MAN2A1: variants seen among roughly 807,000 people sequenced by gnomAD.
The protein encoded by MAN2A1 is alpha-mannosidase 2.
MAN2A1 carries 76 observed loss-of-function variants against 142.6 expected under a neutral mutation model. The observed-to-expected ratio is 0.53, with a 90% CI of 0.44 to 0.65. The LOEUF (loss-of-function observed/expected upper bound fraction) is 0.65. MAN2A1 is among the 30% of genes least tolerant of loss of function. The pLI is 0.00. For missense variants in MAN2A1, 1,311 were observed against 1,365.1 expected, an observed-to-expected ratio of 0.96 and a Z score of 0.62; for synonymous variants, 559 against 473.2, an observed-to-expected ratio of 1.18 and a Z score of -2.35.
chr5:109,833,568 G>T (rs948019094), intron 16 of MAN2A1, among the ~76,000 whole-genome samples: 2 of 152,018 alleles, frequency 1.3e-5, no homozygotes, highest in Non-Finnish European at 2.9e-5. Context: ...CACTCGGCAG[G>T]CTGAAGCAGG....
At chr5:109,766,634 T>G (rs1752998873) in intron 5 of MAN2A1, among the ~76,000 whole-genome samples, 1 of 152,118 alleles carries the variant, frequency 6.6e-6, no homozygotes, top group Admixed American at 6.6e-5. Flanking sequence ...ATTTAACTCG[T>G]TTTTGTAACT....
intron 12 of MAN2A1, among the ~76,000 whole-genome samples, chr5:109,811,147 C>G (rs1580276389): frequency 6.6e-6 from 1 of 151,570 alleles, no homozygotes; most frequent in African/African-American, 2.4e-5. Flanking sequence ...TTTATTTTTT[C>G]TACTAACTTT....
intron 4 of MAN2A1, among the ~76,000 whole-genome samples, chr5:109,738,320 C>T (rs74671195): frequency 0.054 from 8,154 of 150,466 alleles, 227 homozygotes; most frequent in Non-Finnish European, 0.064. Context: ...ACTTCCCGAA[C>T]GTCTACTATG....
intron 16 of MAN2A1, among the ~76,000 whole-genome samples, chr5:109,837,060 C>T (rs967343478): frequency 2.0e-5 from 3 of 148,362 alleles, no homozygotes; most frequent in African/African-American, 5.0e-5. Flanking sequence ...TATTCATTTC[C>T]CTGTTGAAGG....
chr5:109,817,475 A>C, intron 13 of MAN2A1, 37 bp downstream of exon 13: 1 of 1,596,856 alleles, frequency 6.3e-7, no homozygotes, highest in Non-Finnish European at 8.6e-7. Context: ...AGGCATTGTA[A>C]AACAAACCTA....
chr5:109,692,639 A>T (rs1750704102), intron 1 of MAN2A1, among the ~76,000 whole-genome samples: 2 of 152,194 alleles, frequency 1.3e-5, no homozygotes. Context: ...GCTCCCAGCC[A>T]CTGAGTTGTC....
chr5:109,707,051 G>A (rs1236577378), intron 1 of MAN2A1, among the ~76,000 whole-genome samples: 1 of 152,160 alleles, frequency 6.6e-6, no homozygotes, highest in Admixed American at 6.5e-5. Flanking sequence ...AGTGAAAATG[G>A]AAAACTTTTG....
intron 3 of MAN2A1, among the ~76,000 whole-genome samples, chr5:109,719,727 G>C (rs1425462363): frequency 6.6e-6 from 1 of 152,044 alleles, no homozygotes; most frequent in African/African-American, 2.4e-5. Context: ...CCCCAACTTT[G>C]TGAATTTATG....
intron 16 of MAN2A1, among the ~76,000 whole-genome samples, chr5:109,832,668 G>A (rs1016116856): frequency 6.6e-6 from 1 of 152,136 alleles, no homozygotes; most frequent in Non-Finnish European, 1.5e-5. Context: ...ATCATGGCCC[G>A]TTCTCAATGA....
chr5:109,785,351 C>CTT (rs551476336), intron 10 of MAN2A1, among the ~76,000 whole-genome samples: 1 of 142,124 alleles, frequency 7.0e-6, no homozygotes. Context: ...TTGTATACTT[C>CTT]TTTTTTTTTT....
chr5:109,812,898 G>T lies in MAN2A1; in HGVS notation c.1944-4375G>T, dbSNP rs568297695. 9.9e-5 allele frequency among the ~76,000 whole-genome samples: 15 copies of T among 152,142 alleles called. 1 individual carries two copies. The highest frequency in any genetic ancestry group is 3.4e-4 in the African/African-American group (14 of 41,500). On this transcript the variant is annotated intron_variant, in intron 12 of 21. Transcript: ENST00000261483. ...TTCATTAACTACTGAACATTATTCT[G>T]TGCTAGGTACCTATAGTAAGCACAT...
At chr5:109,772,400 G>A (rs1291108465) in intron 7 of MAN2A1, among the ~76,000 whole-genome samples, 1 of 152,136 alleles carries the variant, frequency 6.6e-6, no homozygotes, top group Admixed American at 6.5e-5. Flanking sequence ...CTTCTTACAA[G>A]TATTGAAATG....
At chr5:109,787,721 C>G (rs1442765789) in intron 10 of MAN2A1, among the ~76,000 whole-genome samples, 1 of 151,870 alleles carries the variant, frequency 6.6e-6, no homozygotes. Flanking sequence ...TCTGCAGATT[C>G]AGGCTGCCTA....
intron 16 of MAN2A1, among the ~76,000 whole-genome samples, chr5:109,831,458 T>A (rs1580297775): frequency 6.6e-6 from 1 of 152,228 alleles, no homozygotes; most frequent in East Asian, 1.9e-4. Flanking sequence ...AATAAGGTTG[T>A]TTAGAACCCC....
At position 109,774,976 on chromosome 5, in the gene MAN2A1, A is replaced by G; in HGVS notation, c.1374+11A>G. The G allele has an allele frequency of 1.9e-6, 3 of 1,540,876 alleles. No individual in the cohort carries two copies. Among genetic ancestry groups the G allele is most frequent in the Non-Finnish European group, 2.7e-6 (3 of 1,127,158 alleles). On this transcript the variant is annotated intron_variant, in intron 8 of 21. Transcript: ENST00000261483. ...AAGTTTAAAGTTAAGGTAAGGAGAA[A>G]ATATTTATGATTCCGTATTTGAAAT...
At chr5:109,820,902 A>G (rs1371162874) in intron 15 of MAN2A1, among the ~76,000 whole-genome samples, 1 of 152,210 alleles carries the variant, frequency 6.6e-6, no homozygotes, top group Non-Finnish European at 1.5e-5. Context: ...GATTTTACGT[A>G]GAGTTAGGGA....
At chr5:109,710,026 T>G (rs980795733) in intron 1 of MAN2A1, among the ~76,000 whole-genome samples, 1 of 152,212 alleles carries the variant, frequency 6.6e-6, no homozygotes, top group Non-Finnish European at 1.5e-5. Flanking sequence ...TATGAGGGTG[T>G]TCATTTCAAG....
At chr5:109,842,807 T>C (rs1580309328) in intron 17 of MAN2A1, among the ~76,000 whole-genome samples, 2 of 94,374 alleles carry the variant, frequency 2.1e-5, no homozygotes, top group Non-Finnish European at 4.4e-5. Flanking sequence ...ACTTATTGGG[T>C]TTTTTTTTTT....
intron 10 of MAN2A1, among the ~76,000 whole-genome samples, chr5:109,787,441 G>A (rs1396608432): frequency 6.6e-6 from 1 of 151,964 alleles, no homozygotes; most frequent in Non-Finnish European, 1.5e-5. Flanking sequence ...AAAAAATCCT[G>A]TATTAATGAA....
Sources: gnomAD v4.1 joint callset for allele counts (sites outside exome capture counted in the v4.1 genomes callset) on GRCh38, gnomAD v4.1.1 for gene constraint, MANE v1.5 for transcripts, NCBI Gene and HGNC (gene_info 2026-07-23, HGNC 2026-07-21) for gene names.